RPLP0: variants seen among roughly 807,000 people sequenced by gnomAD.
The protein encoded by RPLP0 is large ribosomal subunit protein uL10.
For missense variants in RPLP0, 276 were observed against 402.9 expected (o/e 0.69, Z 2.70); for synonymous variants, 137 against 153.4 (o/e 0.89, Z 0.79).
intron 1 of RPLP0, 28 bp downstream of exon 1, chr12:120,201,055 C>T (rs1879443813): frequency 4.5e-6 from 2 of 448,586 alleles, no homozygotes; most frequent in South Asian, 4.1e-5. Flanking sequence ...CCGGCGACCC[C>T]TGGCGCCCAT....
chr12:120,200,113 G>A (rs1246780119), intron 2 of RPLP0: 1 of 455,898 alleles, frequency 2.2e-6, no homozygotes. Flanking sequence ...ATATGCAACA[G>A]CTTGCTTCCT....
intron 2 of RPLP0, chr12:120,200,235 A>G (rs1410719821): frequency 2.6e-6 from 1 of 387,378 alleles, no homozygotes; most frequent in African/African-American, 2.1e-5. Flanking sequence ...GAGGCCGAGG[A>G]AGGTGGATCA....
chr12:120,197,257 A>AGG, intron 7 of RPLP0, 65 bp downstream of exon 7: 1 of 1,420,216 alleles, frequency 7.0e-7, no homozygotes. Context: ...GTAAGGTAGA[A>AGG]GGCCACATCA....
At chr12:120,200,704 G>A (rs780771891) in intron 2 of RPLP0, 26 bp downstream of exon 2, 14 of 1,603,086 alleles carry the variant, frequency 8.7e-6, no homozygotes, top group Non-Finnish European at 1.2e-5. Context: ...AACATGAAGA[G>A]CAGAGGCGAC....
Position 120,197,457 on chromosome 12 carries a change from G to C in RPLP0, c.657C>G (p.Val219=). 1 of 1,613,936 alleles carries C rather than the reference G, an allele frequency of 6.2e-7. No homozygotes were observed. Among genetic ancestry groups the C allele is most frequent in the Non-Finnish European group, 8.5e-7 (1 of 1,179,832 alleles). ...GCAGACAGACACTGGCAACATTGCG[G>C]ACACCCTGGGGGAGGGAAGATTTCA... ...ETLHSRFLEG[V]RNVASVCLQI... is the part of the protein sequence containing the mutation. The change falls in exon 7 of 8, where the codon GTC becomes GTG. Residue 219 remains valine (V), a synonymous_variant. Transcript: ENST00000392514.
intron 2 of RPLP0, 25 bp downstream of exon 2, chr12:120,200,705 C>G (rs1566329034): frequency 6.2e-7 from 1 of 1,603,356 alleles, no homozygotes; most frequent in South Asian, 1.1e-5. Context: ...ACATGAAGAG[C>G]AGAGGCGACC....
intron 4 of RPLP0, 29 bp from the exon 5 acceptor site, chr12:120,199,029 G>T: frequency 1.2e-6 from 2 of 1,613,856 alleles, no homozygotes; most frequent in Non-Finnish European, 1.7e-6. Flanking sequence ...AGTGAGAAAA[G>T]CCTCTCCACT....
chr12:120,198,161 G>A lies in RPLP0; in HGVS notation c.651+393C>T, dbSNP rs376681062. Among the ~76,000 whole-genome samples, 60 of 152,090 alleles carry A rather than the reference G, an allele frequency of 3.9e-4. No homozygotes were observed. In the South Asian group the frequency reaches 8.7e-3, roughly 22 times the overall value. On this transcript the variant is annotated intron_variant, in intron 6 of 7. Coordinates refer to ENST00000392514, the MANE Select transcript of RPLP0 (RefSeq NM_001002.4). This position sits in a 1 kb window ranked among gnomAD's most constrained non-coding sequence, Gnocchi z 4.1. The stretch of plus-strand genomic sequence containing the variant: ...TGTAATCCCAGCACTTTGGGAGGCC[G>A]AGTTGGGCGGATCACGAGGTCAGGA...
chr12:120,199,181 A>G lies in RPLP0; in HGVS notation c.255T>C (p.Asn85=), dbSNP rs560149950. The change falls in exon 4 of 8, where the codon AAT becomes AAC. Residue 85 remains asparagine (N), a synonymous_variant. Coordinates refer to ENST00000392514, the MANE Select transcript of RPLP0 (RefSeq NM_001002.4). ...CCTCCTTGGTGAACACAAAGCCCAC[A>G]TTCCCCCGGATATGAGGCAGCAGTC... ...LEKLLPHIRG[N]VGFVFTKEDL... 1.2e-6 allele frequency: 2 copies of G among 1,614,092 alleles called. No individual in the cohort carries two copies. The highest frequency in any genetic ancestry group is 4.5e-5 in the East Asian group (2 of 44,884).
intron 1 of RPLP0, 118 bp from the exon 2 acceptor site, chr12:120,200,949 C>T (rs1017437417): frequency 3.5e-5 from 45 of 1,276,054 alleles, no homozygotes; most frequent in Non-Finnish European, 4.7e-5. Flanking sequence ...CAGCGGCCGT[C>T]ATCTCGGGGC....
Position 120,198,529 on chromosome 12 carries a change from AG to A in RPLP0, c.651+24del. The A allele has an allele frequency of 6.2e-7, 1 of 1,613,860 alleles. No homozygotes were observed. The highest frequency in any genetic ancestry group is 2.2e-5 in the East Asian group (1 of 44,884). ...TCATGCTCTCAACCATCAGTGTAAGAGGGGGCAAGGCTGACAGCATATACCT... is the reference window on the plus strand; with the variant it reads ...TCATGCTCTCAACCATCAGTGTAAGAGGGGCAAGGCTGACAGCATATACCT... On this transcript the variant is annotated intron_variant, in intron 6 of 7. Coordinates refer to ENST00000392514, the MANE Select transcript of RPLP0 (RefSeq NM_001002.4). This position sits in a 1 kb window ranked among gnomAD's most constrained non-coding sequence, Gnocchi z 4.1.
chr12:120,198,328 G>C lies in RPLP0; in HGVS notation c.651+226C>G. ...TGAACCCGGAGGCGGAGCTTGCAGTGAGCCGGGAGATTGTGCCACTGCACT... is the reference window on the plus strand; with the variant it reads ...TGAACCCGGAGGCGGAGCTTGCAGTCAGCCGGGAGATTGTGCCACTGCACT... On this transcript the variant is annotated intron_variant, in intron 6 of 7. Transcript: ENST00000392514. The surrounding 1 kb of genome is among the most constrained non-coding windows in gnomAD (Gnocchi z 4.1). 1.9e-6 allele frequency: 1 copy of C among 516,332 alleles called. No homozygotes were observed. The highest frequency in any genetic ancestry group is 3.5e-6 in the Non-Finnish European group (1 of 287,934). 32.0% of individuals were successfully genotyped at this position (516,332 alleles called of 1,614,324 possible).
chr12:120,200,816 T>G lies in RPLP0; in HGVS notation c.-33A>C, dbSNP rs1295082386. On this transcript the variant is annotated 5_prime_UTR_variant, in exon 2 of 8. Transcript: ENST00000392514. ...GTGCGTCAGGGATTGCCACGCAGGGTTTAAAGACGATGTCACTGAGGAGAG... is the reference window on the plus strand; with the variant it reads ...GTGCGTCAGGGATTGCCACGCAGGGGTTAAAGACGATGTCACTGAGGAGAG... 3 of 1,605,196 alleles carry G rather than the reference T, an allele frequency of 1.9e-6. No individual in the cohort carries two copies. Among genetic ancestry groups the G allele is most frequent in the Non-Finnish European group, 2.5e-6 (3 of 1,176,908 alleles).
chr12:120,199,356 G>T lies in RPLP0; in HGVS notation c.184C>A (p.Arg62Ser). The change falls in exon 3 of 8, where the codon CGC becomes AGC. Residue 62 changes from arginine (R) to serine (S), a missense_variant. Arg to Ser is a moderately radical substitution (Grantham distance 110). Transcript: ENST00000392514. ...VVLMGKNTMMRKAIRGHLENN... is the reference protein window; with the variant it reads ...VVLMGKNTMMSKAIRGHLENN... ...TCCAGGTGCCCTCGGATGGCCTTGC[G>T]CATCATGGTGTTCTTGCCCATCAGC... The T allele has an allele frequency of 6.2e-7, 1 of 1,614,152 alleles. No individual in the cohort carries two copies. Among genetic ancestry groups the T allele is most frequent in the Non-Finnish European group, 8.5e-7 (1 of 1,180,036 alleles).
Position 120,198,474 on chromosome 12 carries a change from C to G in RPLP0, c.651+80G>C. The G allele has an allele frequency of 6.7e-7, 1 of 1,489,360 alleles. No individual in the cohort carries two copies. Among genetic ancestry groups the G allele is most frequent in the African/African-American group, 1.4e-5 (1 of 72,376 alleles). The allele number at this position is 1,489,360 out of a possible 1,614,324, so 92.3% of individuals were successfully genotyped here. A position where few individuals can be genotyped will look rare whatever the true frequency, so the allele number is the denominator to read the frequency against. ...TAGGTAGACAGATGAAAACACAGTC[C>G]TTGGTTACAGGGACTCAGTCTGAAC... On this transcript the variant is annotated intron_variant, in intron 6 of 7. Coordinates refer to ENST00000392514, the MANE Select transcript of RPLP0 (RefSeq NM_001002.4). The surrounding 1 kb of genome is among the most constrained non-coding windows in gnomAD (Gnocchi z 4.1).
At chr12:120,196,964 G>T (rs559765232) in intron 7 of RPLP0, 30 bp from the exon 8 acceptor site, 1 of 1,612,278 alleles carries the variant, frequency 6.2e-7, no homozygotes, top group Non-Finnish European at 8.5e-7. Flanking sequence ...GGTCAAAATG[G>T]TCATCCACAC....
rs948977455 is a variant in RPLP0 at position 120,201,107 on chromosome 12, G to A, written c.-73C>T. On this transcript the variant is annotated 5_prime_UTR_variant, in exon 1 of 8. Transcript: ENST00000392514. The stretch of plus-strand genomic sequence containing the variant: ...CCTTCCACGAGGACGCCTGGCGAGA[G>A]AAGGGCCTCGCGCCCGCGCGTGCCT... The A allele has an allele frequency of 2.9e-5, 10 of 339,780 alleles. No individual in the cohort carries two copies. The highest frequency in any genetic ancestry group is 9.9e-5 in the East Asian group (2 of 20,148). The allele number at this position is 339,780 out of a possible 1,614,324, so 21.0% of individuals were successfully genotyped here.
rs571324914 is a variant in RPLP0, at chr12:120,196,707, AAAG to A, written c.*63_*65del. 3.2e-4 allele frequency: 477 copies of A among 1,501,502 alleles called. No individual in the cohort carries two copies. In the African/African-American group the frequency reaches 6.1e-3, roughly 19 times the overall value. The allele number at this position is 1,501,502 out of a possible 1,614,324, so 93.0% of individuals were successfully genotyped here. On this transcript the variant is annotated 3_prime_UTR_variant, in exon 8 of 8. Coordinates refer to ENST00000392514, the MANE Select transcript of RPLP0 (RefSeq NM_001002.4). ...AAAATTAAGAGTCCAGAGACTTTTTAAAGAAGTAAGCCTTTATTTCCTTGTTTT... is the reference window on the plus strand; with the variant it reads ...AAAATTAAGAGTCCAGAGACTTTTTAAAGTAAGCCTTTATTTCCTTGTTTT...
Position 120,198,830 on chromosome 12 carries a change from C to T in RPLP0, c.465+24G>A. The T allele has an allele frequency of 1.2e-6, 2 of 1,613,456 alleles. No homozygotes were observed. Among genetic ancestry groups the T allele is most frequent in the Non-Finnish European group, 1.7e-6 (2 of 1,179,370 alleles). On this transcript the variant is annotated intron_variant, in intron 5 of 7. Transcript: ENST00000392514. The surrounding 1 kb of genome is among the most constrained non-coding windows in gnomAD (Gnocchi z 4.1). ...AGCAGCTCCCCATTTGCCTGGTTAG[C>T]ACAGGCAAACCAGGTCCACTCACCA... is the stretch of plus-strand genomic sequence containing the variant.
Sources: gnomAD v4.1 joint callset for allele counts (sites outside exome capture counted in the v4.1 genomes callset) on GRCh38, gnomAD v4.1.1 for gene constraint, Gnocchi (gnomAD v3.1) non-coding constraint, MANE v1.5 for transcripts, NCBI Gene and HGNC (gene_info 2026-07-23, HGNC 2026-07-21) for gene names.